Variants in NTM observed in about 807,000 individuals in gnomAD.
The protein encoded by NTM is IgLON family member 2.
Under a neutral mutation model 42.1 loss-of-function variants are expected in NTM, and 13 were observed. The observed-to-expected ratio is 0.31, with a 90% CI of 0.20 to 0.49. The LOEUF (loss-of-function observed/expected upper bound fraction) is 0.49, where lower values mean the gene tolerates loss of function less well. Among genes scored for constraint, NTM ranks in the 20% least tolerant of loss-of-function variants. The pLI is 0.99. For missense variants in NTM, 373 were observed against 452.8 expected, an observed-to-expected ratio of 0.82 and a Z score of 1.60; for synonymous variants, 187 against 179.2, an observed-to-expected ratio of 1.04 and a Z score of -0.35.
rs373497070 is a variant in NTM at position 131,647,203 on chromosome 11, G to C, written c.83-264361G>C. 6.6e-5 allele frequency among the ~76,000 whole-genome samples: 10 copies of C among 152,346 alleles called. No homozygotes were observed. The South Asian group carries it at 2.1e-3, about 32-fold the overall frequency. ...GAGGGGTCCAGAAATAGCAAGGCAAGTCCTGGAGACTCAGAAGCATTTGAT... is the reference window on the plus strand; with the variant it reads ...GAGGGGTCCAGAAATAGCAAGGCAACTCCTGGAGACTCAGAAGCATTTGAT... On this transcript the variant is annotated intron_variant, in intron 1 of 8. Transcript: ENST00000683400.
At chr11:132,314,003 TC>T (rs2095355136) in intron 6 of NTM, among the ~76,000 whole-genome samples, 1 of 152,168 alleles carries the variant, frequency 6.6e-6, no homozygotes, top group African/African-American at 2.4e-5. Flanking sequence ...TGATGATTTT[TC>T]TCCTCTTCAT....
intron 1 of NTM, among the ~76,000 whole-genome samples, chr11:131,503,696 C>CTG (rs2047123904): frequency 7.8e-6 from 1 of 127,574 alleles, no homozygotes; most frequent in African/African-American, 3.6e-5. Flanking sequence ...CTAATTGTTT[C>CTG]TCTTTTTTTT....
intron 1 of NTM, among the ~76,000 whole-genome samples, chr11:131,745,722 G>C (rs1430820251): frequency 6.6e-6 from 1 of 151,072 alleles, no homozygotes; most frequent in African/African-American, 2.4e-5. Context: ...AGTAGGTGGT[G>C]AGAAAAAAAA....
chr11:131,372,618 G>T (rs781368285), intron 1 of NTM, among the ~76,000 whole-genome samples: 3 of 152,004 alleles, frequency 2.0e-5, no homozygotes, highest in Non-Finnish European at 4.4e-5. Context: ...TCAGAGGTAG[G>T]GAGAGGGAAG....
intron 5 of NTM, among the ~76,000 whole-genome samples, chr11:132,308,070 G>C (rs924265512): frequency 6.6e-6 from 1 of 152,198 alleles, no homozygotes; most frequent in Non-Finnish European, 1.5e-5. Context: ...AACTTGACTT[G>C]CATGGCTGGC....
intron 1 of NTM, among the ~76,000 whole-genome samples, chr11:131,384,997 G>A (rs1943137399): frequency 6.6e-6 from 1 of 152,210 alleles, no homozygotes; most frequent in Non-Finnish European, 1.5e-5. Context: ...CAGCATCTGT[G>A]TGCCAGAGTG....
At position 131,949,514 on chromosome 11, in the gene NTM, T is replaced by C. The variant is rs745812830; in HGVS notation, c.167+37866T>C. Among the ~76,000 whole-genome samples the C allele has an allele frequency of 7.9e-4, 120 of 152,306 alleles. 4 individuals carry two copies. The highest frequency in any genetic ancestry group is 2.1e-4 in the South Asian group (1 of 4,824). On this transcript the variant is annotated intron_variant, in intron 2 of 8. Transcript: ENST00000683400. ...TTACTAGAATAAAAAGCAATCTCAG[T>C]TGAGTTTTAGGCGTTGCACAAAGAG...
chr11:131,970,790 C>T (rs1390778288), intron 2 of NTM, among the ~76,000 whole-genome samples: 1 of 152,194 alleles, frequency 6.6e-6, no homozygotes, highest in African/African-American at 2.4e-5. Context: ...CATCATCATC[C>T]CTGACAAGGG....
chr11:132,247,617 TATC>T lies in NTM; in HGVS notation c.526+35475_526+35477del, dbSNP rs561960027. Among the ~76,000 whole-genome samples, 6 of 152,138 alleles carry T rather than the reference TATC, an allele frequency of 3.9e-5. No homozygotes were observed. The East Asian group carries it at 1.2e-3, about 29-fold the overall frequency. On this transcript the variant is annotated intron_variant, in intron 4 of 8. Transcript: ENST00000683400. ...CTATACTGGAGATTCAGAAGGAAAA[TATC>T]ATCAAAAGGAAGTATGGCCAGGGTC...
At chr11:131,626,368 A>G (rs2063105736) in intron 1 of NTM, among the ~76,000 whole-genome samples, 1 of 152,200 alleles carries the variant, frequency 6.6e-6, no homozygotes, top group Non-Finnish European at 1.5e-5. Context: ...ATTCATTATT[A>G]TAAATGCTAA....
intron 4 of NTM, among the ~76,000 whole-genome samples, chr11:132,264,944 A>G (rs2093089600): frequency 2.6e-5 from 4 of 152,178 alleles, no homozygotes; most frequent in African/African-American, 4.8e-5. Flanking sequence ...AGGCCCCACC[A>G]TAATGACCTT....
chr11:132,230,990 T>C (rs1233590073), intron 4 of NTM, among the ~76,000 whole-genome samples: 1 of 152,196 alleles, frequency 6.6e-6, no homozygotes, highest in African/African-American at 2.4e-5. Flanking sequence ...CCAGCCTGTG[T>C]GATAGAGTGA....
chr11:131,512,745 G>GCTTCCACT (rs1321269259), intron 1 of NTM, among the ~76,000 whole-genome samples: 1 of 152,098 alleles, frequency 6.6e-6, no homozygotes, highest in African/African-American at 2.4e-5. Context: ...TGGCCTTCTC[G>GCTTCCACT]CTTCCACTCT....
rs183795743 is a variant in NTM at position 132,307,690 on chromosome 11, G to A, written c.528G>A (p.Ala176=). 81 of 1,614,066 alleles carry A rather than the reference G, an allele frequency of 5.0e-5. No individual in the cohort carries two copies. Among genetic ancestry groups the A allele is most frequent in the Non-Finnish European group, 6.4e-5 (76 of 1,180,004 alleles). ...CACACGTTACCGGTTTTCCCGCAGC[G>A]GTTGGCTTTGTGAGTGAAGACGAAT... ...TVTWRHISPK[A]VGFVSEDEYL... is the part of the protein sequence containing the mutation. Residue 176 remains alanine, a splice_region_variant and synonymous_variant, in exon 5 of 9, where the codon GCG becomes GCA. Coordinates refer to ENST00000683400, the MANE Select transcript of NTM (RefSeq NM_001352005.2).
At chr11:131,424,916 G>A (rs1947965446) in intron 1 of NTM, among the ~76,000 whole-genome samples, 1 of 141,944 alleles carries the variant, frequency 7.0e-6, no homozygotes, top group African/African-American at 2.6e-5. Flanking sequence ...GTCTCGCTCT[G>A]TCACCCAGGT....
At chr11:132,105,745 G>C (rs2062284623) in intron 2 of NTM, among the ~76,000 whole-genome samples, 2 of 152,198 alleles carry the variant, frequency 1.3e-5, no homozygotes, top group South Asian at 2.1e-4. Flanking sequence ...GACACTGCAG[G>C]CTTCTGTCAT....
chr11:131,921,656 G>C (rs1442340336), intron 2 of NTM, among the ~76,000 whole-genome samples: 1 of 152,066 alleles, frequency 6.6e-6, no homozygotes, highest in Non-Finnish European at 1.5e-5. Context: ...GATAGGCCTG[G>C]TTAGATCACC....
intron 4 of NTM, among the ~76,000 whole-genome samples, chr11:132,305,797 G>A (rs887222760): frequency 1.3e-5 from 2 of 152,176 alleles, no homozygotes; most frequent in Non-Finnish European, 2.9e-5. Context: ...AGGCTACTGA[G>A]ACCATTAGAA....
At chr11:132,150,748 G>C (rs2137422782) in intron 3 of NTM, among the ~76,000 whole-genome samples, 1 of 152,238 alleles carries the variant, frequency 6.6e-6, no homozygotes, top group African/African-American at 2.4e-5. Context: ...CAGAGTTCGA[G>C]GGTTGGTTAA....
Sources: allele counts gnomAD v4.1 joint callset (sites outside exome capture counted in the v4.1 genomes callset), GRCh38; gene constraint gnomAD v4.1.1; transcripts MANE v1.5; gene names NCBI Gene and HGNC (gene_info 2026-07-23, HGNC 2026-07-21).